Variants in ZCCHC14 observed in about 807,000 individuals in gnomAD.
ZCCHC14 encodes zinc finger CCHC domain-containing protein 14.
In ZCCHC14, 16 loss-of-function variants were observed where a neutral mutation model predicts 85.0. That is an observed-to-expected ratio of 0.19 (90% confidence interval 0.13 to 0.29). The LOEUF (loss-of-function observed/expected upper bound fraction) is 0.29, where lower values mean the gene tolerates loss of function less well. Ranked by LOEUF, ZCCHC14 falls within the 10% of genes least tolerant of loss-of-function variation. ZCCHC14 has a pLI of 1.00. For synonymous variants in ZCCHC14, 775 were observed against 630.7 expected, an observed-to-expected ratio of 1.23 and a Z score of -3.43; for missense variants, 1,303 against 1,443.5, an observed-to-expected ratio of 0.90 and a Z score of 1.58.
In ZCCHC14 at chr16:87,491,673, T is replaced by C. The variant is rs759578636; in HGVS notation, c.566A>G (p.His189Arg). 8 of 1,416,264 alleles carry C rather than the reference T, an allele frequency of 5.6e-6. No homozygotes were observed. In the South Asian group the frequency reaches 1.3e-4, roughly 22 times the overall value. The allele number at this position is 1,416,264 out of a possible 1,614,324, so 87.7% of individuals were successfully genotyped here. A position where few individuals can be genotyped will look rare whatever the true frequency, so the allele number is the denominator to read the frequency against. The change falls in exon 1 of 13, where the codon CAC (histidine) becomes CGC (arginine). Residue 189 changes from histidine to arginine, a missense_variant. Physicochemically the swap from His to Arg is conservative, Grantham distance 29 (BLOSUM62 0). Coordinates refer to ENST00000671377, the MANE Select transcript of ZCCHC14 (RefSeq NM_015144.3). This position sits in a 1 kb window ranked among gnomAD's most constrained non-coding sequence, Gnocchi z 5.9. The stretch of plus-strand genomic sequence containing the variant: ...GAGCTCGGGGCGGGCACGCACCTTG[T>C]GGCAGGCTGGGCAAGTGGGCAGCGC... ...GGALPTCPAC[H>R]KITPRTEAPV...
At chr16:87,451,345 T>C (rs1225598092) in intron 2 of ZCCHC14, among the ~76,000 whole-genome samples, 3 of 151,952 alleles carry the variant, frequency 2.0e-5, no homozygotes, top group Non-Finnish European at 2.9e-5. Flanking sequence ...TACAGGCACG[T>C]GGCTACCACA....
At chr16:87,442,745 A>G (rs1910245549) in intron 2 of ZCCHC14, among the ~76,000 whole-genome samples, 1 of 152,258 alleles carries the variant, frequency 6.6e-6, no homozygotes. Flanking sequence ...AAAGACAAAA[A>G]AATCTTGAAA....
chr16:87,488,578 T>C (rs1490886710), intron 1 of ZCCHC14, among the ~76,000 whole-genome samples: 1 of 152,184 alleles, frequency 6.6e-6, no homozygotes, highest in East Asian at 1.9e-4. Context: ...TTAAAATAAA[T>C]TTAAAAAAAA....
rs567243040 is a variant in ZCCHC14, at chr16:87,487,784, AG to A, written c.570+3884del. Among the ~76,000 whole-genome samples, 5 of 152,380 alleles carry A rather than the reference AG, an allele frequency of 3.3e-5. No individual in the cohort carries two copies. In the South Asian group the frequency reaches 1.0e-3, roughly 32 times the overall value. On this transcript the variant is annotated intron_variant, in intron 1 of 12. Coordinates refer to ENST00000671377, the MANE Select transcript of ZCCHC14 (RefSeq NM_015144.3). ...TGAGCACAGCTCGGCCTCTTCACAC[AG>A]GGGAACGCCACTCGGCAGCGAAAGA...
intron 1 of ZCCHC14, among the ~76,000 whole-genome samples, chr16:87,469,738 G>A (rs1477933937): frequency 2.6e-5 from 4 of 152,292 alleles, no homozygotes; most frequent in South Asian, 2.1e-4. Flanking sequence ...GGATCCAGGA[G>A]GGGCACCGGC....
Position 87,413,131 on chromosome 16 carries a change from G to A in ZCCHC14, c.1668C>T (p.Tyr556=), listed in dbSNP as rs1212274604. The A allele has an allele frequency of 6.2e-7, 1 of 1,612,364 alleles. No homozygotes were observed. The highest frequency in any genetic ancestry group is 8.5e-7 in the Non-Finnish European group (1 of 1,179,260). ...QLPREGSSSE[Y]SSSSSSPMGV... The stretch of plus-strand genomic sequence containing the variant: ...CCATGGGGCTGGAGGAGGAGCTGGA[G>A]TACTCCGAGGAACTGCCTTCCCGGG... The change falls in exon 11 of 13, where the codon TAC becomes TAT. Residue 556 remains tyrosine (Y), a synonymous_variant. Coordinates refer to ENST00000671377, the MANE Select transcript of ZCCHC14 (RefSeq NM_015144.3).
intron 3 of ZCCHC14, 30 bp from the exon 4 acceptor site, chr16:87,423,911 G>C (rs748454026): frequency 1.9e-6 from 3 of 1,608,850 alleles, no homozygotes; most frequent in South Asian, 1.1e-5. Flanking sequence ...ACAAACCTTA[G>C]AAACAGACAC....
rs1409561018 is a variant in ZCCHC14, at chr16:87,492,967, C to G, written c.-729G>C. Among the ~76,000 whole-genome samples the G allele has an allele frequency of 2.0e-5, 3 of 151,156 alleles. No individual in the cohort carries two copies. Among genetic ancestry groups the G allele is most frequent in the Non-Finnish European group, 3.0e-5 (2 of 67,730 alleles). Reference sequence around the variant, plus strand: ...CGGCGACGGCGGAGGAGGCGCCGGCCGAGGAGCGGAGGGATCGTCGCGCTC... The same window carrying G: ...CGGCGACGGCGGAGGAGGCGCCGGCGGAGGAGCGGAGGGATCGTCGCGCTC... On this transcript the variant is annotated 5_prime_UTR_variant, in exon 1 of 13. Coordinates refer to ENST00000671377, the MANE Select transcript of ZCCHC14 (RefSeq NM_015144.3). This position sits in a 1 kb window ranked among gnomAD's most constrained non-coding sequence, Gnocchi z 6.7.
chr16:87,479,732 AAATG>A (rs1360689295), intron 1 of ZCCHC14, among the ~76,000 whole-genome samples: 1 of 152,200 alleles, frequency 6.6e-6, no homozygotes, highest in Admixed American at 6.5e-5. Flanking sequence ...TACTCCATGG[AAATG>A]AACTCATCCA....
chr16:87,430,444 G>T (rs1909595006), intron 3 of ZCCHC14, among the ~76,000 whole-genome samples: 1 of 152,000 alleles, frequency 6.6e-6, no homozygotes, highest in African/African-American at 2.4e-5. Context: ...AAATCAGGTT[G>T]TGCAAGTCTT....
intron 1 of ZCCHC14, chr16:87,472,713 C>A (rs1911824365): frequency 6.6e-6 from 1 of 152,242 alleles, no homozygotes; most frequent in South Asian, 2.1e-4. Flanking sequence ...CATGATGGTT[C>A]CTTCCCCCTC....
chr16:87,426,163 G>C (rs1354562334), intron 3 of ZCCHC14, among the ~76,000 whole-genome samples: 1 of 152,196 alleles, frequency 6.6e-6, no homozygotes, highest in African/African-American at 2.4e-5. Context: ...AGCTGCAGCA[G>C]CCACGATCCA....
At position 87,420,674 on chromosome 16, in the gene ZCCHC14, G is replaced by T. The variant is rs76988513; in HGVS notation, c.883C>A (p.Pro295Thr). The change falls in exon 5 of 13, where the codon CCT becomes ACT. Residue 295 changes from proline to threonine, a missense_variant. Physicochemically the swap from Pro to Thr is conservative, Grantham distance 38. Around this residue, in one of 7 missense-constraint regions of ZCCHC14, gnomAD observed 389 missense variants for 397.8 expected, o/e 0.98. Transcript: ENST00000671377. The surrounding 1 kb of genome is among the most constrained non-coding windows in gnomAD (Gnocchi z 5.0). ...AATGCGTCCGGACCAGCTAAGCAAGGAATGAGTTTCTCCAAGTTCTCTTCA... is the reference window on the plus strand; with the variant it reads ...AATGCGTCCGGACCAGCTAAGCAAGTAATGAGTTTCTCCAAGTTCTCTTCA... ...YPEENLEKLI[P>T]CLAGPDAFYV... 1,123 of 1,613,862 alleles carry T rather than the reference G, an allele frequency of 7.0e-4. 15 individuals are homozygous for T. The African/African-American group carries it at 0.014, about 20-fold the overall frequency.
At chr16:87,468,124 C>CAATTACATCTA (rs1567538212) in intron 1 of ZCCHC14, among the ~76,000 whole-genome samples, 5 of 152,138 alleles carry the variant, frequency 3.3e-5, no homozygotes, top group Non-Finnish European at 5.9e-5. Context: ...TGTAAATCTT[C>CAATTACATCTA]ATTTATTTGT....
At chr16:87,444,536 T>G (rs981389520) in intron 2 of ZCCHC14, among the ~76,000 whole-genome samples, 1 of 152,168 alleles carries the variant, frequency 6.6e-6, no homozygotes, top group Non-Finnish European at 1.5e-5. Flanking sequence ...GCAGATAGCA[T>G]GAAAATTAAT....
At chr16:87,414,745 G>A (rs187887216) in intron 9 of ZCCHC14, among the ~76,000 whole-genome samples, 1 of 152,322 alleles carries the variant, frequency 6.6e-6, no homozygotes, top group Admixed American at 6.5e-5. Flanking sequence ...TTACTATAAA[G>A]GTCCTTTCCT....
At chr16:87,422,732 T>C (rs984020626) in intron 4 of ZCCHC14, among the ~76,000 whole-genome samples, 1 of 149,714 alleles carries the variant, frequency 6.7e-6, no homozygotes, top group Non-Finnish European at 1.5e-5. Flanking sequence ...TGAGACTCCA[T>C]CTCAAAGAAA....
chr16:87,415,165 G>T, intron 9 of ZCCHC14, 111 bp downstream of exon 9: 1 of 811,340 alleles, frequency 1.2e-6, no homozygotes, highest in Non-Finnish European at 2.1e-6. Flanking sequence ...GACTGGATAA[G>T]CAACAGGAAC....
chr16:87,436,192 CT>C lies in ZCCHC14; in HGVS notation c.695-2992del, dbSNP rs1156453970. Among the ~76,000 whole-genome samples the C allele has an allele frequency of 2.0e-5, 3 of 152,356 alleles. No individual in the cohort carries two copies. The East Asian group carries it at 5.8e-4, about 29-fold the overall frequency. ...GAAGTGACTCAGTCATATTTCATATCTGGACAGGAAAATGGGAAAAAGCAGA... is the reference window on the plus strand; with the variant it reads ...GAAGTGACTCAGTCATATTTCATATCGGACAGGAAAATGGGAAAAAGCAGA... On this transcript the variant is annotated intron_variant, in intron 2 of 12. Coordinates refer to ENST00000671377, the MANE Select transcript of ZCCHC14 (RefSeq NM_015144.3).
Sources: allele counts gnomAD v4.1 joint callset (sites outside exome capture counted in the v4.1 genomes callset), GRCh38; gene constraint gnomAD v4.1.1; regional missense constraint gnomAD v4.1.1; non-coding constraint Gnocchi (gnomAD v3.1); transcripts MANE v1.5; gene names NCBI Gene and HGNC (gene_info 2026-07-23, HGNC 2026-07-21).